ADGRD2: variants seen among roughly 807,000 people sequenced by gnomAD.
The protein encoded by ADGRD2 is G protein-coupled receptor PGR24.
Under a neutral mutation model 44.4 loss-of-function variants are expected in ADGRD2, and 71 were observed. The observed-to-expected ratio is 1.60, with a 90% CI of 1.32 to 1.95. The LOEUF is 1.95. ADGRD2 is among the 30% of genes most tolerant of loss of function. The pLI, the probability that ADGRD2 is intolerant of heterozygous loss-of-function variation, is 0.00. For missense variants in ADGRD2, 1,039 were observed against 512.4 expected, an observed-to-expected ratio of 2.03 and a Z score of -9.92; for synonymous variants, 481 against 224.8, an observed-to-expected ratio of 2.14 and a Z score of -10.19.
At chr9:124,477,478 G>C (rs1022052186) in intron 21 of ADGRD2, among the ~76,000 whole-genome samples, 1 of 152,254 alleles carries the variant, frequency 6.6e-6, no homozygotes, top group Non-Finnish European at 1.5e-5. Context: ...GATTCAGAGA[G>C]GGGGAGGGGG....
Position 124,454,508 on chromosome 9 carries a change from C to G in ADGRD2, c.1049C>G (p.Ala350Gly). Residue 350 changes from alanine (A) to glycine (G), a missense_variant, in exon 5 of 22, where the codon GCC (alanine) becomes GGC (glycine). Coordinates refer to ENST00000334810, the Ensembl canonical transcript of ADGRD2. The surrounding 1 kb of genome is among the most constrained non-coding windows in gnomAD (Gnocchi z 4.5). ...GAGCCCTATCGTCGGCTGCAGGATG[C>G]CCAGTCGTGGCCTGGCCAGGATGTT... The G allele has an allele frequency of 1.4e-6, 1 of 716,168 alleles. No homozygotes were observed. The highest frequency in any genetic ancestry group is 1.5e-5 in the South Asian group (1 of 67,574). 44.4% of individuals were successfully genotyped at this position (716,168 alleles called of 1,614,324 possible). A position where few individuals can be genotyped will look rare whatever the true frequency, so the allele number is the denominator to read the frequency against.
chr9:124,476,489 G>A, intron 20 of ADGRD2, 74 bp downstream of exon 23: 4 of 674,968 alleles, frequency 5.9e-6, no homozygotes, highest in Non-Finnish European at 1.1e-5. Flanking sequence ...AAGTCGGGAA[G>A]CCACAGGGCC....
At chr9:124,478,562 A>G (rs946319039) in exon 22 of ADGRD2, 1 of 152,476 alleles carries the variant, frequency 6.6e-6, no homozygotes, top group African/African-American at 2.4e-5. Flanking sequence ...GTGTCTGGTA[A>G]TAAATAGGAC....
Position 124,457,726 on chromosome 9 carries a change from G to A in ADGRD2, c.1640+120G>A, listed in dbSNP as rs74733209. The stretch of plus-strand genomic sequence containing the variant: ...CCTCAGTTTGCTCGTCTGTAAAATG[G>A]GCACATTACTACTTGCCTTGTGGCT... On this transcript the variant is annotated intron_variant, in intron 8 of 21. Transcript: ENST00000334810. 1.4e-3 allele frequency: 747 copies of A among 544,542 alleles called. 2 individuals are homozygous for A. Among genetic ancestry groups the A allele is most frequent in the Non-Finnish European group, 2.1e-3 (636 of 303,962 alleles). 33.7% of individuals were successfully genotyped at this position (544,542 alleles called of 1,614,324 possible). A position where few individuals can be genotyped will look rare whatever the true frequency, so the allele number is the denominator to read the frequency against.
upstream of ADGRD2, chr9:124,452,004 T>TG: frequency 8.7e-6 from 1 of 114,466 alleles, no homozygotes; most frequent in South Asian, 6.0e-5. Flanking sequence ...AATGCCCCCC[T>TG]CCCACCCACC....
chr9:124,452,810 G>GA (rs1831514361), intron 2 of ADGRD2, 88 bp downstream of exon 5: 4 of 650,328 alleles, frequency 6.2e-6, no homozygotes, highest in Non-Finnish European at 1.1e-5. Flanking sequence ...AATATTTGCA[G>GA]AATGAGCCGG....
chr9:124,472,068 G>A (rs1269057640), intron 17 of ADGRD2, among the ~76,000 whole-genome samples: 2 of 152,180 alleles, frequency 1.3e-5, no homozygotes. Context: ...ACATCATAGG[G>A]GGTTGGATTC....
intron 10 of ADGRD2, among the ~76,000 whole-genome samples, chr9:124,462,286 C>T (rs1831736749): frequency 6.6e-6 from 1 of 151,802 alleles, no homozygotes. Flanking sequence ...CCAGGCTGGT[C>T]TCAAACTCCT....
chr9:124,469,687 A>G, intron 16 of ADGRD2, 140 bp downstream of exon 19: 1 of 633,262 alleles, frequency 1.6e-6, no homozygotes, highest in Admixed American at 2.5e-5. Flanking sequence ...GTCTGTATTG[A>G]GTATGTGGGT....
Position 124,454,067 on chromosome 9 carries a change from C to G in ADGRD2, c.994C>G (p.Pro332Ala). 4.2e-6 allele frequency: 3 copies of G among 713,844 alleles called. No homozygotes were observed. Among genetic ancestry groups the G allele is most frequent in the Non-Finnish European group, 7.8e-6 (3 of 383,422 alleles). The allele number at this position is 713,844 out of a possible 1,614,324, so 44.2% of individuals were successfully genotyped here. ...TGAGGGCTCTGAGCTCTGCCTGGAG[C>G]CGCAGCCCTTCCTCTGCTGCTACCG... Residue 332 changes from proline to alanine, a missense_variant, in exon 4 of 22, where the codon CCG becomes GCG. By Grantham distance (27) the Pro-to-Ala change is conservative. Coordinates refer to ENST00000334810, the Ensembl canonical transcript of ADGRD2. This position sits in a 1 kb window ranked among gnomAD's most constrained non-coding sequence, Gnocchi z 4.5.
chr9:124,456,729 T>C (rs1041416407), exon 7 of ADGRD2: 1 of 707,702 alleles, frequency 1.4e-6, no homozygotes, highest in Non-Finnish European at 2.6e-6. Context: ...AGCACCGCCA[T>C]GCTGGTGAGC....
exon 20 of ADGRD2, chr9:124,476,405 C>T (rs1342702827): frequency 1.3e-5 from 9 of 702,124 alleles, no homozygotes; most frequent in East Asian, 2.7e-5. Context: ...ATTGCAAACC[C>T]GGAGAGACAG....
At chr9:124,457,590 G>A in exon 8 of ADGRD2, 1 of 663,920 alleles carries the variant, frequency 1.5e-6, no homozygotes, top group Non-Finnish European at 2.7e-6. Context: ...GTGAAGTGAG[G>A]CGACTCCTCA....
intron 10 of ADGRD2, among the ~76,000 whole-genome samples, chr9:124,463,734 TATA>T (rs1246346003): frequency 6.6e-6 from 1 of 152,256 alleles, no homozygotes; most frequent in African/African-American, 2.4e-5. Flanking sequence ...CAGATTTGCT[TATA>T]ATATTTCCTT....
rs371924244 is a variant in ADGRD2 at position 124,476,322 on chromosome 9, C to T, written c.2846-35C>T. On this transcript the variant is annotated intron_variant, in intron 19 of 21. Transcript: ENST00000334810. ...GGGGAGCAGAGAGAGGGCTTCCTGCCTTCGTCTCTCAAAAATTTGCCTTTT... is the reference window on the plus strand; with the variant it reads ...GGGGAGCAGAGAGAGGGCTTCCTGCTTTCGTCTCTCAAAAATTTGCCTTTT... 6.2e-5 allele frequency: 42 copies of T among 680,852 alleles called. 1 individual carries two copies. Among genetic ancestry groups the T allele is most frequent in the East Asian group, 3.5e-4 (13 of 36,660 alleles). 42.2% of individuals were successfully genotyped at this position (680,852 alleles called of 1,614,324 possible).
At chr9:124,468,569 A>C in exon 14 of ADGRD2, 1 of 718,610 alleles carries the variant, frequency 1.4e-6, no homozygotes, top group Non-Finnish European at 2.6e-6. Flanking sequence ...TTCTGGTGGC[A>C]TTCTCCTGGA....
intron 10 of ADGRD2, among the ~76,000 whole-genome samples, chr9:124,460,672 A>G (rs547653295): frequency 1.3e-5 from 2 of 152,114 alleles, no homozygotes; most frequent in African/African-American, 4.8e-5. Context: ...ACTGAGGTAT[A>G]TGGATGTACC....
rs556060982 is a variant in ADGRD2, at chr9:124,470,572, C to G, written c.2718C>G (p.Ser906Arg). The G allele has an allele frequency of 8.5e-6, 6 of 709,436 alleles. No individual in the cohort carries two copies. The African/African-American group carries it at 1.0e-4, about 12-fold the overall frequency. 43.9% of individuals were successfully genotyped at this position (709,436 alleles called of 1,614,324 possible). The change falls in exon 17 of 22, where the codon AGC becomes AGG. Residue 906 changes from serine (S) to arginine (R), a missense_variant. By Grantham distance (110) the Ser-to-Arg change is moderately radical. Transcript: ENST00000334810. The stretch of plus-strand genomic sequence containing the variant: ...TGGCAGGCATCCTGGTGCACCTGAG[C>G]CCCGCCTGGGCCTACGCTGCCGTGG...
At chr9:124,455,094 G>T (rs755323505) in exon 6 of ADGRD2, 13 of 712,716 alleles carry the variant, frequency 1.8e-5, no homozygotes, top group Non-Finnish European at 2.9e-5. Flanking sequence ...TCCTGGAGGA[G>T]CAGGTGGCTG....
Sources: gnomAD v4.1 joint callset for allele counts (sites outside exome capture counted in the v4.1 genomes callset) on GRCh38, gnomAD v4.1.1 for gene constraint, Gnocchi (gnomAD v3.1) non-coding constraint, MANE v1.5 for transcripts, NCBI Gene and HGNC (gene_info 2026-07-23, HGNC 2026-07-21) for gene names.